ASIC2: variants seen among roughly 807,000 people sequenced by gnomAD.
ASIC2 encodes the protein acid-sensing ion channel 2.
Under a neutral mutation model 57.3 loss-of-function variants are expected in ASIC2, and 25 were observed. That is an observed-to-expected ratio of 0.44 (90% CI 0.32 to 0.61). The LOEUF (loss-of-function observed/expected upper bound fraction) is 0.61. Ranked by LOEUF, ASIC2 falls within the 20% of genes least tolerant of loss-of-function variation. The probability of loss-of-function intolerance (pLI) is 0.06; values close to 1 mark genes in which losing one functional copy is unlikely to be tolerated. For synonymous variants in ASIC2, 319 were observed against 307.5 expected (o/e 1.04, Z -0.39); for missense variants, 641 against 738.1 (o/e 0.87, Z 1.52).
chr17:33,828,489 CA>C (rs1375229823), intron 1 of ASIC2: 1 of 152,070 alleles, frequency 6.6e-6, no homozygotes, highest in Non-Finnish European at 1.5e-5. Flanking sequence ...GACCTAAATA[CA>C]CAAGAAAGAG....
chr17:33,132,802 T>C (rs1447635912), intron 1 of ASIC2, among the ~76,000 whole-genome samples: 1 of 152,186 alleles, frequency 6.6e-6, no homozygotes, highest in African/African-American at 2.4e-5. Context: ...GCCTTCAAAA[T>C]TTTAAAAATT....
chr17:34,148,464 T>C (rs1047733666), intron 1 of ASIC2, among the ~76,000 whole-genome samples: 1 of 152,248 alleles, frequency 6.6e-6, no homozygotes, highest in African/African-American at 2.4e-5. Context: ...ATGCCAAATG[T>C]TCGCAAGACT....
intron 1 of ASIC2, among the ~76,000 whole-genome samples, chr17:34,093,752 C>T (rs1910418169): frequency 6.6e-6 from 1 of 152,194 alleles, no homozygotes; most frequent in South Asian, 2.1e-4. Context: ...CTTATCTGGA[C>T]TCTGGGCCTT....
chr17:33,927,432 T>G (rs1040437329), intron 1 of ASIC2, among the ~76,000 whole-genome samples: 2 of 152,126 alleles, frequency 1.3e-5, no homozygotes, highest in African/African-American at 2.4e-5. Flanking sequence ...TGAACAGAAA[T>G]AGTGCTCTTA....
chr17:33,490,741 T>G (rs1913729677), intron 1 of ASIC2, among the ~76,000 whole-genome samples: 1 of 152,228 alleles, frequency 6.6e-6, no homozygotes, highest in Non-Finnish European at 1.5e-5. Context: ...GTCTTGGGTA[T>G]GTCTTTATTA....
intron 1 of ASIC2, among the ~76,000 whole-genome samples, chr17:33,311,359 AC>A (rs1406158260): frequency 4.6e-5 from 7 of 151,454 alleles, no homozygotes; most frequent in Admixed American, 2.0e-4. Context: ...ATGATGTACC[AC>A]CCCATGTACA....
At chr17:33,117,195 C>G (rs34803812) in intron 1 of ASIC2, among the ~76,000 whole-genome samples, 24,456 of 150,882 alleles carry the variant, frequency 0.16, 2,233 homozygotes, top group Non-Finnish European at 0.21. Flanking sequence ...TTTTTTGAGA[C>G]AGAGTCTCAC....
At chr17:33,386,531 T>G (rs1909682387) in intron 1 of ASIC2, among the ~76,000 whole-genome samples, 1 of 152,202 alleles carries the variant, frequency 6.6e-6, no homozygotes, top group Non-Finnish European at 1.5e-5. Context: ...AAATAGAATT[T>G]GAAACCATCC....
intron 1 of ASIC2, among the ~76,000 whole-genome samples, chr17:33,871,194 T>C (rs1263679250): frequency 6.6e-6 from 1 of 152,080 alleles, no homozygotes; most frequent in Non-Finnish European, 1.5e-5. Flanking sequence ...CCTAGGAGGA[T>C]GGAGGAGTTC....
intron 1 of ASIC2, among the ~76,000 whole-genome samples, chr17:34,135,860 C>G (rs987900985): frequency 6.6e-5 from 10 of 152,090 alleles, no homozygotes; most frequent in Admixed American, 5.2e-4. Context: ...CCATCCTCAA[C>G]CAGGATGCTG....
intron 1 of ASIC2, among the ~76,000 whole-genome samples, chr17:33,668,999 C>T (rs1045763730): frequency 5.9e-5 from 9 of 152,186 alleles, no homozygotes; most frequent in Admixed American, 1.3e-4. Flanking sequence ...CTGCAACAGA[C>T]GCCGCCAGGA....
At position 33,731,328 on chromosome 17, in the gene ASIC2, G is replaced by C. The variant is rs74738225; in HGVS notation, c.555+424650C>G. On this transcript the variant is annotated intron_variant, in intron 1 of 9. Coordinates refer to the ASIC2 transcript ENST00000359872. ...TTGCCATAGGAGTGCTATATTTTAG[G>C]GGGGAGGTCAGAACATCATTTGGAG... Among the ~76,000 whole-genome samples, 110 of 152,250 alleles carry C rather than the reference G, an allele frequency of 7.2e-4. 2 individuals are homozygous for C. The East Asian group carries it at 0.016, about 22-fold the overall frequency.
chr17:33,179,786 G>A (rs1179155724), intron 1 of ASIC2, among the ~76,000 whole-genome samples: 1 of 152,196 alleles, frequency 6.6e-6, no homozygotes, highest in Non-Finnish European at 1.5e-5. Flanking sequence ...TGCAGAGTTA[G>A]CTCCTCTGCT....
intron 1 of ASIC2, among the ~76,000 whole-genome samples, chr17:33,352,876 C>G (rs572422503): frequency 1.3e-5 from 2 of 152,280 alleles, no homozygotes; most frequent in South Asian, 4.2e-4. Flanking sequence ...CTTACCTTCT[C>G]TTTCCCATGG....
Position 33,291,893 on chromosome 17 carries a change from C to G in ASIC2, c.223G>C (p.Gly75Arg). The change falls in exon 1 of 10, where the codon GGG becomes CGG. Residue 75 changes from glycine (G) to arginine (R), a missense_variant. Gly to Arg is a moderately radical substitution (Grantham distance 125, BLOSUM62 -2). Coordinates refer to ENST00000225823, the MANE Select transcript of ASIC2 (RefSeq NM_183377.2). ...AAGGAGCCCCCAGCCGCCGTGCGCC[C>G]GGCACACATGTGCCGCAGCCCGTGC... ...KLHGLRHMCA[G>R]RTAAGGSFQR... 1 of 1,602,760 alleles carries G rather than the reference C, an allele frequency of 6.2e-7. No homozygotes were observed. Among genetic ancestry groups the G allele is most frequent in the Non-Finnish European group, 8.5e-7 (1 of 1,178,294 alleles).
At chr17:33,416,105 A>C (rs1910833150) in intron 1 of ASIC2, among the ~76,000 whole-genome samples, 1 of 152,190 alleles carries the variant, frequency 6.6e-6, no homozygotes, top group South Asian at 2.1e-4. Context: ...CTGTTAGCAC[A>C]TGAGAGTTGG....
chr17:34,023,824 AG>A (rs1390699716), intron 1 of ASIC2, among the ~76,000 whole-genome samples: 1 of 152,244 alleles, frequency 6.6e-6, no homozygotes, highest in African/African-American at 2.4e-5. Context: ...AGCTGCACAA[AG>A]GGTCTAAGAC....
At chr17:33,868,195 ATGTGTGTGTGTGTG>A (rs3071204) in intron 1 of ASIC2, among the ~76,000 whole-genome samples, 1 of 139,906 alleles carries the variant, frequency 7.1e-6, no homozygotes, top group Non-Finnish European at 1.6e-5. Context: ...GTGTGTGTGT[ATGTGTGTGTGTGTG>A]TGTGTGTGTG....
intron 1 of ASIC2, among the ~76,000 whole-genome samples, chr17:33,214,602 C>T (rs1398558106): frequency 1.3e-5 from 2 of 152,188 alleles, no homozygotes; most frequent in African/African-American, 4.8e-5. Flanking sequence ...CTTTACTGTA[C>T]ATATGAGCTA....
Sources: allele counts gnomAD v4.1 joint callset (sites outside exome capture counted in the v4.1 genomes callset), GRCh38; gene constraint gnomAD v4.1.1; transcripts MANE v1.5; gene names NCBI Gene and HGNC (gene_info 2026-07-23, HGNC 2026-07-21).